The following ELF3 variants were observed in gnomAD, a reference collection of about 807,000 sequenced individuals.
ELF3 encodes E74 like ETS transcription factor 3.
A neutral mutation model predicts 43.9 loss-of-function variants in ELF3; 18 were observed. The ratio of observed to expected loss-of-function variants is 0.41; its 90% CI spans 0.28 to 0.61. The LOEUF is 0.61. Among genes scored for constraint, ELF3 ranks in the 20% least tolerant of loss-of-function variants. ELF3 has a pLI of 0.30. For missense variants in ELF3, 373 were observed against 487.7 expected (o/e 0.76, Z 2.21); for synonymous variants, 181 against 190.2 (o/e 0.95, Z 0.40).
At chr1:202,011,931 C>T in intron 2 of ELF3, 26 bp from the exon 3 acceptor site, 1 of 1,609,790 alleles carries the variant, frequency 6.2e-7, no homozygotes, top group Non-Finnish European at 8.5e-7. Context: ...CTGAGCTGAG[C>T]CTGTTTCCCT....
chr1:202,015,110 C>A, intron 8 of ELF3, 99 bp from the exon 9 acceptor site: 1 of 1,177,282 alleles, frequency 8.5e-7, no homozygotes, highest in Non-Finnish European at 1.3e-6. Context: ...GACCAGTGGG[C>A]ATGGGTTACC....
intron 1 of ELF3, 40 bp from the exon 2 acceptor site, chr1:202,011,089 G>A (rs373487202): frequency 2.4e-5 from 38 of 1,608,768 alleles, no homozygotes; most frequent in Middle Eastern, 3.3e-4. Flanking sequence ...GAGGACCCTC[G>A]TCCCCTCACC....
chr1:202,012,003 G>T lies in ELF3; in HGVS notation c.210G>T (p.Thr70=). 2.5e-6 allele frequency: 4 copies of T among 1,614,152 alleles called. No homozygotes were observed. Among genetic ancestry groups the T allele is most frequent in the Non-Finnish European group, 3.4e-6 (4 of 1,180,040 alleles). The change falls in exon 3 of 9, where the codon ACG becomes ACT. Residue 70 remains threonine, a synonymous_variant. Coordinates refer to ENST00000367284, the MANE Select transcript of ELF3 (RefSeq NM_004433.5). This position sits in a 1 kb window ranked among gnomAD's most constrained non-coding sequence, Gnocchi z 4.2. ...AACAGCCCCAGTTCTGGTCGAAGAC[G>T]CAGGTTCTGGACTGGATCAGCTACC... ...LGEQPQFWSK[T]QVLDWISYQV... is the part of the protein sequence containing the mutation.
At chr1:202,014,912 G>A in intron 8 of ELF3, 1 of 314,586 alleles carries the variant, frequency 3.2e-6, no homozygotes, top group South Asian at 3.7e-5. Context: ...CCAGCTCCCT[G>A]GCCTTAAAAG....
chr1:202,011,318 G>T lies in ELF3; in HGVS notation c.163+19G>T, dbSNP rs776438740. The T allele has an allele frequency of 2.9e-5, 45 of 1,542,164 alleles. No individual in the cohort carries two copies. The East Asian group carries it at 1.1e-3, about 36-fold the overall frequency. On this transcript the variant is annotated intron_variant, in intron 2 of 8. Coordinates refer to ENST00000367284, the MANE Select transcript of ELF3 (RefSeq NM_004433.5). ...GGTACAGGTGGGTCTCAGCGGGGTG[G>T]GATGGGGCACGGAGTGGGAGACAGA...
Position 202,012,444 on chromosome 1 carries a change from C to A in ELF3, c.478+8C>A. ...TAGACCCAGGGCCCTTTGGTGAGAA[C>A]CCGTTTTCTCCTTCCTTCCCCAGCC... On this transcript the variant is annotated splice_region_variant and intron_variant, in intron 4 of 8. Transcript: ENST00000367284. This position sits in a 1 kb window ranked among gnomAD's most constrained non-coding sequence, Gnocchi z 4.2. 1 of 1,613,406 alleles carries A rather than the reference C, an allele frequency of 6.2e-7. No individual in the cohort carries two copies. Among genetic ancestry groups the A allele is most frequent in the Non-Finnish European group, 8.5e-7 (1 of 1,179,670 alleles).
At chr1:202,011,907 G>C (rs369411787) in intron 2 of ELF3, 50 bp from the exon 3 acceptor site, 1 of 1,572,252 alleles carries the variant, frequency 6.4e-7, no homozygotes, top group Non-Finnish European at 8.7e-7. Context: ...GGGCTGTAAG[G>C]TCTGCTGGGT....
rs777508355 is a variant in ELF3 at position 202,012,404 on chromosome 1, C to T, written c.446C>T (p.Ala149Val). 1.9e-6 allele frequency: 3 copies of T among 1,614,144 alleles called. No individual in the cohort carries two copies. Among genetic ancestry groups the T allele is most frequent in the Non-Finnish European group, 2.5e-6 (3 of 1,180,008 alleles). Residue 149 changes from alanine to valine, a missense_variant, in exon 4 of 9, where the codon GCC becomes GTC. Around this residue, in one of 3 missense-constraint regions of ELF3, gnomAD observed 311 missense variants for 351.2 expected, o/e 0.89. Coordinates refer to ENST00000367284, the MANE Select transcript of ELF3 (RefSeq NM_004433.5). The surrounding 1 kb of genome is among the most constrained non-coding windows in gnomAD (Gnocchi z 4.2). ...GAGCTGCTGGAGAAGGATGGCATGG[C>T]CTTCCAGGAGGCCCTAGACCCAGGG... ...IIELLEKDGM[A>V]FQEALDPGPF...
rs1464712552 is a variant in ELF3, at chr1:202,013,208, G to A, written c.715G>A (p.Asp239Asn). Reference sequence around the variant, plus strand: ...TGGTTTTCGTGACTGCAAGAAGGGGGATCCCAAGCACGGGAAGCGGAAACG... The same window carrying A: ...TGGTTTTCGTGACTGCAAGAAGGGGAATCCCAAGCACGGGAAGCGGAAACG... ...SDGFRDCKKG[D>N]PKHGKRKRGR... The change falls in exon 7 of 9, where the codon GAT becomes AAT. Residue 239 changes from aspartate to asparagine, a missense_variant. Physicochemically the swap from Asp to Asn is conservative, Grantham distance 23. Around this residue, in one of 3 missense-constraint regions of ELF3, gnomAD observed 311 missense variants for 351.2 expected, o/e 0.89. Transcript: ENST00000367284. This position sits in a 1 kb window ranked among gnomAD's most constrained non-coding sequence, Gnocchi z 5.7. The A allele has an allele frequency of 1.9e-6, 3 of 1,614,100 alleles. No individual in the cohort carries two copies. The highest frequency in any genetic ancestry group is 3.3e-5 in the Admixed American group (2 of 60,006).
chr1:202,013,089 G>T lies in ELF3; in HGVS notation c.688+53G>T. 6.2e-7 allele frequency: 1 copy of T among 1,601,166 alleles called. No homozygotes were observed. On this transcript the variant is annotated intron_variant, in intron 6 of 8. Transcript: ENST00000367284. This position sits in a 1 kb window ranked among gnomAD's most constrained non-coding sequence, Gnocchi z 5.7. ...CGTCCCATTTAGCAATGCACAGGGG[G>T]CCCGGCTCTTCCTGCAGCCTTTTCC...
At position 202,011,315 on chromosome 1, in the gene ELF3, G is replaced by A. The variant is rs57044543; in HGVS notation, c.163+16G>A. 4.1e-4 allele frequency: 626 copies of A among 1,544,592 alleles called. 1 individual carries two copies. In the African/African-American group the frequency reaches 7.6e-3, roughly 19 times the overall value. The stretch of plus-strand genomic sequence containing the variant: ...GAGGGTACAGGTGGGTCTCAGCGGG[G>A]TGGGATGGGGCACGGAGTGGGAGAC... On this transcript the variant is annotated intron_variant, in intron 2 of 8. Transcript: ENST00000367284.
intron 8 of ELF3, 149 bp downstream of exon 8, chr1:202,014,173 T>C: frequency 1.1e-6 from 1 of 934,956 alleles, no homozygotes; most frequent in Non-Finnish European, 1.6e-6. Context: ...GTCTACTTCA[T>C]GGATTAAATG....
Position 202,012,007 on chromosome 1 carries a change from G to C in ELF3, c.214G>C (p.Val72Leu). 6.2e-7 allele frequency: 1 copy of C among 1,614,162 alleles called. No individual in the cohort carries two copies. Among genetic ancestry groups the C allele is most frequent in the Non-Finnish European group, 8.5e-7 (1 of 1,180,042 alleles). Residue 72 changes from valine to leucine, a missense_variant, in exon 3 of 9, where the codon GTT (valine) becomes CTT (leucine). Transcript: ENST00000367284. This position sits in a 1 kb window ranked among gnomAD's most constrained non-coding sequence, Gnocchi z 4.2. Reference sequence around the variant, plus strand: ...GCCCCAGTTCTGGTCGAAGACGCAGGTTCTGGACTGGATCAGCTACCAAGT... The same window carrying C: ...GCCCCAGTTCTGGTCGAAGACGCAGCTTCTGGACTGGATCAGCTACCAAGT... ...EQPQFWSKTQ[V>L]LDWISYQVEK...
In ELF3 at chr1:202,015,389, A is replaced by T. The variant is rs953015919; in HGVS notation, c.*66A>T. The T allele has an allele frequency of 7.9e-6, 12 of 1,519,710 alleles. No homozygotes were observed. In the African/African-American group the frequency reaches 8.2e-5, roughly 10 times the overall value. 94.1% of individuals were successfully genotyped at this position (1,519,710 alleles called of 1,614,324 possible). A position where few individuals can be genotyped will look rare whatever the true frequency, so the allele number is the denominator to read the frequency against. ...GAGGCCTGCAAACCTTCCTGGGAGG[A>T]CAGGCAGGCCAGATGGCCCCTCCAC... On this transcript the variant is annotated 3_prime_UTR_variant, in exon 9 of 9. Coordinates refer to ENST00000367284, the MANE Select transcript of ELF3 (RefSeq NM_004433.5).
rs147628626 is a variant in ELF3 at position 202,012,863 on chromosome 1, G to T, written c.599-84G>T. ...GGCCTTCTGGCAGGAACAGGAACAG[G>T]CTGGGAAGTGTGTCCTGAGAGCCAG... On this transcript the variant is annotated intron_variant, in intron 5 of 8. Coordinates refer to ENST00000367284, the MANE Select transcript of ELF3 (RefSeq NM_004433.5). This position sits in a 1 kb window ranked among gnomAD's most constrained non-coding sequence, Gnocchi z 4.2. The T allele has an allele frequency of 1.9e-6, 3 of 1,556,546 alleles. No homozygotes were observed. Among genetic ancestry groups the T allele is most frequent in the East Asian group, 2.3e-5 (1 of 44,340 alleles).
At chr1:202,014,996 C>A (rs1344554500) in intron 8 of ELF3, 1 of 537,268 alleles carries the variant, frequency 1.9e-6, no homozygotes, top group Non-Finnish European at 3.4e-6. Context: ...GCCCTGTGTC[C>A]TGGGCACGGT....
intron 2 of ELF3, 125 bp downstream of exon 2, chr1:202,011,424 G>A: frequency 8.2e-7 from 1 of 1,225,434 alleles, no homozygotes; most frequent in Non-Finnish European, 1.1e-6. Context: ...TAGAGGCTGA[G>A]ACTTAGTGAC....
At position 202,013,817 on chromosome 1, in the gene ELF3, C is replaced by T; in HGVS notation, c.806-12C>T. The stretch of plus-strand genomic sequence containing the variant: ...CACCTGGATGGCAAACTGATGGAGG[C>T]TGGCCTTGCAGCGCCCAGAGGCACC... On this transcript the variant is annotated splice_polypyrimidine_tract_variant and intron_variant, in intron 7 of 8. Transcript: ENST00000367284. The surrounding 1 kb of genome is among the most constrained non-coding windows in gnomAD (Gnocchi z 5.7). The T allele has an allele frequency of 1.9e-6, 3 of 1,602,818 alleles. No homozygotes were observed. Among genetic ancestry groups the T allele is most frequent in the Non-Finnish European group, 2.6e-6 (3 of 1,172,116 alleles).
intron 2 of ELF3, 123 bp downstream of exon 2, chr1:202,011,422 G>A: frequency 8.0e-7 from 1 of 1,253,482 alleles, no homozygotes; most frequent in Non-Finnish European, 1.1e-6. Flanking sequence ...GCTAGAGGCT[G>A]AGACTTAGTG....
Sources: gnomAD v4.1 joint callset for allele counts on GRCh38, gnomAD v4.1.1 for gene constraint, gnomAD v4.1.1 regional missense constraint, Gnocchi (gnomAD v3.1) non-coding constraint, MANE v1.5 for transcripts, NCBI Gene and HGNC (gene_info 2026-07-23, HGNC 2026-07-21) for gene names.